The following NOSTRIN variants were observed in gnomAD, a reference collection of about 807,000 sequenced individuals.
NOSTRIN encodes the protein BM247 homolog.
Under a neutral mutation model 59.0 loss-of-function variants are expected in NOSTRIN, and 63 were observed. The ratio of observed to expected loss-of-function variants is 1.07; its 90% CI spans 0.87 to 1.32. The LOEUF (loss-of-function observed/expected upper bound fraction) is 1.32, where lower values mean the gene tolerates loss of function less well. Among genes scored for constraint, NOSTRIN ranks in the 40% most tolerant of loss-of-function variants. The probability of loss-of-function intolerance (pLI) is 0.00; values close to 1 mark genes in which losing one functional copy is unlikely to be tolerated. For synonymous variants in NOSTRIN, 200 were observed against 165.4 expected, an observed-to-expected ratio of 1.21 and a Z score of -1.61; for missense variants, 512 against 473.1, an observed-to-expected ratio of 1.08 and a Z score of -0.76.
chr2:168,864,796 C>T (rs756061995), intron 15 of NOSTRIN, 38 bp from the exon 16 acceptor site: 1 of 1,611,640 alleles, frequency 6.2e-7, no homozygotes, highest in Non-Finnish European at 8.5e-7. Context: ...CATGTGTTCA[C>T]ATCACAGAGA....
chr2:168,845,254 C>G (rs1344086584), intron 8 of NOSTRIN, among the ~76,000 whole-genome samples: 1 of 152,146 alleles, frequency 6.6e-6, no homozygotes, highest in Admixed American at 6.5e-5. Flanking sequence ...CTTGCCTCAC[C>G]TCACCTCATC....
intron 10 of NOSTRIN, among the ~76,000 whole-genome samples, chr2:168,852,376 TG>T (rs1688820583): frequency 6.6e-6 from 1 of 152,186 alleles, no homozygotes; most frequent in South Asian, 2.1e-4. Context: ...CCAAGCACGT[TG>T]CCCCTTTGCT....
chr2:168,787,538 C>T (rs1375016482), intron 1 of NOSTRIN, among the ~76,000 whole-genome samples: 1 of 152,234 alleles, frequency 6.6e-6, no homozygotes, highest in Admixed American at 6.5e-5. Flanking sequence ...TCCATCAGAA[C>T]ACTTATCACA....
rs147349842 is a variant in NOSTRIN, at chr2:168,845,753, T to C, written c.630+2636T>C. On this transcript the variant is annotated intron_variant, in intron 8 of 15. Coordinates refer to ENST00000317647, the MANE Select transcript of NOSTRIN (RefSeq NM_001039724.4). Reference sequence around the variant, plus strand: ...AAAAGGCATCTTTCAACTTCAGCTCTAAAAATATTTAAGACCTAGTTTTAG... The same window carrying C: ...AAAAGGCATCTTTCAACTTCAGCTCCAAAAATATTTAAGACCTAGTTTTAG... 4.3e-3 allele frequency among the ~76,000 whole-genome samples: 654 copies of C among 151,462 alleles called. 6 individuals are homozygous for C. Among genetic ancestry groups the C allele is most frequent in the African/African-American group, 0.014 (598 of 41,364 alleles).
intron 8 of NOSTRIN, among the ~76,000 whole-genome samples, chr2:168,845,764 A>G (rs1398366104): frequency 2.0e-5 from 3 of 150,240 alleles, no homozygotes; most frequent in Non-Finnish European, 4.4e-5. Flanking sequence ...AAAAATATTT[A>G]AGACCTAGTT....
chr2:168,849,860 C>G (rs1033244071), intron 8 of NOSTRIN, among the ~76,000 whole-genome samples: 10 of 151,476 alleles, frequency 6.6e-5, no homozygotes, highest in African/African-American at 2.4e-4. Flanking sequence ...TTTCTGCCCC[C>G]TGTAAAACCA....
rs115851015 is a variant in NOSTRIN at position 168,827,606 on chromosome 2, C to T, written c.198-552C>T. The stretch of plus-strand genomic sequence containing the variant: ...GAGGGGCTCAGGGGATACGGTCTTG[C>T]TCTGTTGCCCAGGCTGGAGTACAGT... On this transcript the variant is annotated intron_variant, in intron 3 of 15. Coordinates refer to ENST00000317647, the MANE Select transcript of NOSTRIN (RefSeq NM_001039724.4). Among the ~76,000 whole-genome samples, 1,467 of 151,868 alleles carry T rather than the reference C, an allele frequency of 9.7e-3. 23 individuals carry two copies. The highest frequency in any genetic ancestry group is 0.034 in the African/African-American group (1,396 of 41,392).
rs754372560 is a variant in NOSTRIN at position 168,864,887 on chromosome 2, TTGAA to T, written c.1441_1444del (p.Asn481GlyfsTer30). On this transcript the variant is annotated frameshift_variant, in exon 16 of 16. Transcript: ENST00000317647. LOFTEE classifies it high-confidence loss of function. ...AGAAGGAGGATGGTGGTTTGGATCT[TTGAA>T]TGGGAAAAAAGGCCATTTTCCTGCC... is the stretch of plus-strand genomic sequence containing the variant. 2.5e-5 allele frequency: 41 copies of T among 1,613,932 alleles called. No homozygotes were observed. The highest frequency in any genetic ancestry group is 3.3e-5 in the South Asian group (3 of 91,074).
At chr2:168,848,311 T>C (rs1453988933) in intron 8 of NOSTRIN, among the ~76,000 whole-genome samples, 1 of 152,226 alleles carries the variant, frequency 6.6e-6, no homozygotes, top group Non-Finnish European at 1.5e-5. Flanking sequence ...GTGCCTGCAA[T>C]TTTGTGAAAG....
At chr2:168,831,297 C>T (rs774645154) in intron 5 of NOSTRIN, among the ~76,000 whole-genome samples, 175 bp from the exon 6 acceptor site, 7 of 152,144 alleles carry the variant, frequency 4.6e-5, no homozygotes, top group Non-Finnish European at 8.8e-5. Flanking sequence ...TAATCTCATT[C>T]ATGGGGGCTC....
chr2:168,816,291 A>G (rs115990336), intron 2 of NOSTRIN, among the ~76,000 whole-genome samples: 2,471 of 152,286 alleles, frequency 0.016, 68 homozygotes, highest in African/African-American at 0.056. Context: ...CTCTGTAGCC[A>G]TGACCCTGTT....
intron 2 of NOSTRIN, among the ~76,000 whole-genome samples, chr2:168,816,465 C>G (rs1028615831): frequency 3.9e-5 from 6 of 152,094 alleles, no homozygotes; most frequent in Non-Finnish European, 5.9e-5. Flanking sequence ...GCAATCCCAC[C>G]CCATTTGCAC....
chr2:168,834,130 G>T, intron 6 of NOSTRIN, 97 bp from the exon 7 acceptor site: 1 of 686,750 alleles, frequency 1.5e-6, no homozygotes, highest in Admixed American at 2.4e-5. Flanking sequence ...AATTGTTAAA[G>T]CTAGCACATG....
intron 2 of NOSTRIN, among the ~76,000 whole-genome samples, chr2:168,821,584 A>G (rs886897896): frequency 2.0e-5 from 3 of 152,260 alleles, no homozygotes; most frequent in Non-Finnish European, 4.4e-5. Context: ...AAACTAAAAC[A>G]TTATAATGTG....
intron 15 of NOSTRIN, among the ~76,000 whole-genome samples, chr2:168,864,285 GTT>G (rs60068017): frequency 1.3e-5 from 2 of 148,562 alleles, no homozygotes; most frequent in East Asian, 2.0e-4. Flanking sequence ...CTGTGATCCT[GTT>G]TTTTTTTTTC....
At chr2:168,854,628 T>C (rs1688966619) in intron 10 of NOSTRIN, among the ~76,000 whole-genome samples, 1 of 152,090 alleles carries the variant, frequency 6.6e-6, no homozygotes, top group South Asian at 2.1e-4. Context: ...GCAACAGGTG[T>C]CTTTATTGTT....
Position 168,855,430 on chromosome 2 carries a change from G to GACATTGA in NOSTRIN, c.936_942dup (p.Lys315HisfsTer2), listed in dbSNP as rs1399749194. ...ACCAAAATTATTGAGACTGCAGAGA[G>GACATTGA]ACATTGAAAAAGCCTCAAAAGACAA... On this transcript the variant is annotated frameshift_variant, in exon 11 of 16. Coordinates refer to ENST00000317647, the MANE Select transcript of NOSTRIN (RefSeq NM_001039724.4). LOFTEE classifies it high-confidence loss of function. 6.2e-7 allele frequency: 1 copy of GACATTGA among 1,610,202 alleles called. No individual in the cohort carries two copies. Among genetic ancestry groups the GACATTGA allele is most frequent in the Non-Finnish European group, 8.5e-7 (1 of 1,177,344 alleles).
chr2:168,860,542 G>A (rs1309685885), intron 13 of NOSTRIN, among the ~76,000 whole-genome samples: 1 of 152,012 alleles, frequency 6.6e-6, no homozygotes. Flanking sequence ...ATGGTGGTGG[G>A]CACCTGTAAT....
chr2:168,828,601 G>A, intron 5 of NOSTRIN, 100 bp downstream of exon 5: 1 of 505,038 alleles, frequency 2.0e-6, no homozygotes, highest in Non-Finnish European at 3.6e-6. Context: ...CAAGTTTCAG[G>A]AATTTATCCT....
Sources: allele counts gnomAD v4.1 joint callset (sites outside exome capture counted in the v4.1 genomes callset), GRCh38; gene constraint gnomAD v4.1.1; transcripts MANE v1.5; gene names NCBI Gene and HGNC (gene_info 2026-07-23, HGNC 2026-07-21).